HMCN1: variants seen among roughly 807,000 people sequenced by gnomAD.
HMCN1 encodes the protein hemicentin-1.
In HMCN1, 321 loss-of-function variants were observed where a neutral mutation model predicts 625.9. The ratio of observed to expected loss-of-function variants is 0.51; its 90% confidence interval spans 0.47 to 0.56. The LOEUF (loss-of-function observed/expected upper bound fraction) is 0.56. Among genes scored for constraint, HMCN1 ranks in the 20% least tolerant of loss-of-function variants. The pLI is 0.00. For synonymous variants in HMCN1, 2,425 were observed against 2,417.6 expected (o/e 1.00, Z -0.09); for missense variants, 6,588 against 6,887.3 (o/e 0.96, Z 1.54).
chr1:185,845,898 T>G, intron 1 of HMCN1, 128 bp from the exon 2 acceptor site: 1 of 679,452 alleles, frequency 1.5e-6, no homozygotes, highest in Admixed American at 2.2e-5. Flanking sequence ...AAAGAGTGTT[T>G]GGTATTTTAC....
Position 186,119,733 on chromosome 1 carries a change from G to T in HMCN1, c.11957-12G>T, listed in dbSNP as rs374017650. On this transcript the variant is annotated splice_polypyrimidine_tract_variant and intron_variant, in intron 78 of 106. Coordinates refer to ENST00000271588, the MANE Select transcript of HMCN1 (RefSeq NM_031935.3). ...TGCTATTACTTCTTTTTGTTGATTGGTTTTTTTATAGAGCCTCCAGTCATT... is the reference window on the plus strand; with the variant it reads ...TGCTATTACTTCTTTTTGTTGATTGTTTTTTTTATAGAGCCTCCAGTCATT... 3.7e-6 allele frequency: 6 copies of T among 1,613,446 alleles called. No individual in the cohort carries two copies. Among genetic ancestry groups the T allele is most frequent in the African/African-American group, 2.7e-5 (2 of 74,848 alleles).
intron 15 of HMCN1, among the ~76,000 whole-genome samples, chr1:185,975,300 C>T (rs1201407522): frequency 6.6e-6 from 1 of 152,126 alleles, no homozygotes; most frequent in Non-Finnish European, 1.5e-5. Context: ...TTAATTGGCT[C>T]ACCGTTCTGC....
intron 36 of HMCN1, 127 bp from the exon 37 acceptor site, chr1:186,037,807 A>C: frequency 1.5e-6 from 1 of 682,210 alleles, no homozygotes; most frequent in East Asian, 2.7e-5. Context: ...CTTTTATTCC[A>C]AATAGGTCAG....
intron 4 of HMCN1, among the ~76,000 whole-genome samples, chr1:185,902,823 G>A (rs1054472187): frequency 1.3e-5 from 2 of 151,714 alleles, no homozygotes; most frequent in Non-Finnish European, 3.0e-5. Flanking sequence ...ATGTGTGTAT[G>A]CATATGAATG....
chr1:186,137,574 T>C lies in HMCN1; in HGVS notation c.13659T>C (p.Ser4553=). The change falls in exon 88 of 107, where the codon AGT becomes AGC. Residue 4553 remains serine, a synonymous_variant. Transcript: ENST00000271588. ...GTGGAAAAGGCATCCAAAAGAGGAG[T>C]CGTCTGTGCAACCAGCCCCTTCCAG... ...VTCGKGIQKR[S]RLCNQPLPAN... 4.3e-6 allele frequency: 7 copies of C among 1,613,516 alleles called. No individual in the cohort carries two copies. The highest frequency in any genetic ancestry group is 5.9e-6 in the Non-Finnish European group (7 of 1,179,888).
chr1:186,022,967 G>T (rs1057009440), intron 35 of HMCN1, 63 bp from the exon 36 acceptor site: 2 of 1,488,918 alleles, frequency 1.3e-6, no homozygotes, highest in South Asian at 2.3e-5. Context: ...TTCTGTCTCA[G>T]TGAATATTTT....
At chr1:185,949,627 A>T (rs1375142726) in intron 11 of HMCN1, among the ~76,000 whole-genome samples, 1 of 151,870 alleles carries the variant, frequency 6.6e-6, no homozygotes, top group Non-Finnish European at 1.5e-5. Context: ...CTCATCTCTT[A>T]TCAGACTGTA....
At chr1:185,740,190 G>T (rs573162251) in intron 1 of HMCN1, among the ~76,000 whole-genome samples, 3 of 152,278 alleles carry the variant, frequency 2.0e-5, no homozygotes, top group African/African-American at 7.2e-5. Context: ...TTAGGGTTCT[G>T]AACATAGAAG....
chr1:185,805,519 A>G (rs1376553874), intron 1 of HMCN1, among the ~76,000 whole-genome samples: 3 of 152,190 alleles, frequency 2.0e-5, no homozygotes, highest in Non-Finnish European at 2.9e-5. Context: ...TATGGGAATT[A>G]TAGTTGAGTT....
intron 46 of HMCN1, among the ~76,000 whole-genome samples, chr1:186,057,746 T>G (rs2102295746): frequency 6.6e-6 from 1 of 152,160 alleles, no homozygotes; most frequent in South Asian, 2.1e-4. Context: ...CAGTGAATCC[T>G]AGTATATAAA....
chr1:185,995,384 G>A (rs1044614477), intron 24 of HMCN1, among the ~76,000 whole-genome samples: 1 of 152,072 alleles, frequency 6.6e-6, no homozygotes, highest in Non-Finnish European at 1.5e-5. Context: ...AGACATTGTG[G>A]GAAGAGTGAG....
At chr1:186,110,023 G>A (rs1427872895) in intron 71 of HMCN1, among the ~76,000 whole-genome samples, 1 of 152,144 alleles carries the variant, frequency 6.6e-6, no homozygotes, top group Admixed American at 6.6e-5. Context: ...TCCTAGGAAA[G>A]GGTAAGTTCA....
intron 4 of HMCN1, among the ~76,000 whole-genome samples, chr1:185,884,912 C>T (rs1320164260): frequency 1.3e-5 from 2 of 151,646 alleles, no homozygotes; most frequent in African/African-American, 4.8e-5. Flanking sequence ...ATTTTGGAGA[C>T]AAAAATATGA....
At chr1:186,028,372 G>T (rs770292433) in intron 36 of HMCN1, among the ~76,000 whole-genome samples, 5 of 152,156 alleles carry the variant, frequency 3.3e-5, no homozygotes, top group African/African-American at 4.8e-5. Flanking sequence ...CTAGAACAAT[G>T]TTCTCCCAAA....
intron 1 of HMCN1, among the ~76,000 whole-genome samples, chr1:185,844,537 G>A (rs551852438): frequency 3.3e-4 from 51 of 152,256 alleles, no homozygotes; most frequent in Non-Finnish European, 4.7e-4. Context: ...GGAGTTATAA[G>A]CTCTTTTTGA....
intron 53 of HMCN1, 70 bp from the exon 54 acceptor site, chr1:186,076,358 G>C (rs750601336): frequency 5.7e-6 from 8 of 1,407,412 alleles, no homozygotes; most frequent in Non-Finnish European, 8.0e-6. Flanking sequence ...AATCACTCTG[G>C]TGAAAACACA....
chr1:186,080,452 A>T (rs532312466), intron 55 of HMCN1, among the ~76,000 whole-genome samples: 2 of 152,350 alleles, frequency 1.3e-5, no homozygotes, highest in Admixed American at 6.5e-5. Flanking sequence ...TTTCATTTTT[A>T]AAATTCTATG....
chr1:185,978,069 G>A (rs1039280295), intron 16 of HMCN1, 88 bp downstream of exon 16: 2 of 956,776 alleles, frequency 2.1e-6, no homozygotes, highest in Non-Finnish European at 3.2e-6. Context: ...ATTTAAAATA[G>A]TATATTAATC....
chr1:185,977,843 G>T lies in HMCN1; in HGVS notation c.2428G>T (p.Val810Leu). The change falls in exon 16 of 107, where the codon GTG (valine) becomes TTG (leucine). Residue 810 changes from valine to leucine, a missense_variant. Physicochemically the swap from Val to Leu is conservative, Grantham distance 32. Around this residue, in one of 3 missense-constraint regions of HMCN1, gnomAD observed 4,628 missense variants for 4,853.1 expected, o/e 0.95. Coordinates refer to ENST00000271588, the MANE Select transcript of HMCN1 (RefSeq NM_031935.3). ...ADVSMEIGSN[V>L]TLPCYVQGYP... ...TGTGTCTATGGAAATTGGCTCAAAT[G>T]TGACATTACCTTGTTATGTTCAGGG... 1 of 1,613,206 alleles carries T rather than the reference G, an allele frequency of 6.2e-7. No individual in the cohort carries two copies. Among genetic ancestry groups the T allele is most frequent in the South Asian group, 1.1e-5 (1 of 91,060 alleles).
Sources: gnomAD v4.1 joint callset for allele counts (sites outside exome capture counted in the v4.1 genomes callset) on GRCh38, gnomAD v4.1.1 for gene constraint, gnomAD v4.1.1 regional missense constraint, MANE v1.5 for transcripts, NCBI Gene and HGNC (gene_info 2026-07-23, HGNC 2026-07-21) for gene names.